ZCWPW2: variants seen among roughly 807,000 people sequenced by gnomAD.
The protein encoded by ZCWPW2 is zinc finger CW-type and PWWP domain containing 2, also known as zinc finger CW-type PWWP domain protein 2.
ZCWPW2 carries 45 observed loss-of-function variants against 46.6 expected under a neutral mutation model. That is an observed-to-expected ratio of 0.96 (90% CI 0.76 to 1.24). The LOEUF (loss-of-function observed/expected upper bound fraction) is 1.24. ZCWPW2 is among the 50% of genes most tolerant of loss of function. The pLI is 0.00. For synonymous variants in ZCWPW2, 152 were observed against 137.1 expected (o/e 1.11, Z -0.76); for missense variants, 429 against 403.9 (o/e 1.06, Z -0.53).
intron 5 of ZCWPW2, among the ~76,000 whole-genome samples, chr3:28,488,878 A>C (rs938529507): frequency 6.6e-6 from 1 of 152,180 alleles, no homozygotes; most frequent in African/African-American, 2.4e-5. Context: ...AGCTTTTAGA[A>C]AGTTGTTAAT....
intron 6 of ZCWPW2, among the ~76,000 whole-genome samples, chr3:28,498,850 C>G (rs1299511978): frequency 6.6e-6 from 1 of 151,904 alleles, no homozygotes; most frequent in Non-Finnish European, 1.5e-5. Context: ...CTCCCTGTGT[C>G]CACGTGTTCA....
intron 1 of ZCWPW2, among the ~76,000 whole-genome samples, chr3:28,371,379 G>A (rs1705329062): frequency 6.6e-6 from 1 of 152,140 alleles, no homozygotes; most frequent in African/African-American, 2.4e-5. Flanking sequence ...ATGGTAAAGG[G>A]GTCAGTGGAT....
intron 4 of ZCWPW2, among the ~76,000 whole-genome samples, chr3:28,442,482 G>A (rs1351846954): frequency 6.6e-6 from 1 of 152,182 alleles, no homozygotes; most frequent in Non-Finnish European, 1.5e-5. Context: ...TCATGGAAGT[G>A]AAAAGCGATC....
At chr3:28,400,403 A>G (rs1363943864) in intron 2 of ZCWPW2, among the ~76,000 whole-genome samples, 1 of 152,234 alleles carries the variant, frequency 6.6e-6, no homozygotes, top group Non-Finnish European at 1.5e-5. Flanking sequence ...CAGCCTTGCT[A>G]GAGACCTAGA....
chr3:28,513,194 A>G (rs1192213683), intron 6 of ZCWPW2, among the ~76,000 whole-genome samples: 4 of 152,270 alleles, frequency 2.6e-5, no homozygotes, highest in Non-Finnish European at 4.4e-5. Flanking sequence ...TTCTTCTCCA[A>G]ATGATCTATA....
intron 4 of ZCWPW2, among the ~76,000 whole-genome samples, chr3:28,443,697 A>G (rs550185238): frequency 3.3e-5 from 5 of 152,262 alleles, no homozygotes; most frequent in East Asian, 3.9e-4. Context: ...TTGGGATCCA[A>G]TGATCCTCAT....
At chr3:28,497,948 T>C (rs1251778108) in intron 6 of ZCWPW2, among the ~76,000 whole-genome samples, 2 of 152,042 alleles carry the variant, frequency 1.3e-5, no homozygotes, top group African/African-American at 4.8e-5. Flanking sequence ...GAGTTCCACT[T>C]GATAAAAAGG....
Position 28,420,291 on chromosome 3 carries a change from C to T in ZCWPW2, c.332+6891C>T, listed in dbSNP as rs1410411979. 2.0e-5 allele frequency among the ~76,000 whole-genome samples: 3 copies of T among 151,886 alleles called. No individual in the cohort carries two copies. The East Asian group carries it at 5.8e-4, about 29-fold the overall frequency. Reference sequence around the variant, plus strand: ...GTGGGCATTTAGTGCTATAAATTTCCCTCTACACACTGCTTTGAATGTGTC... The same window carrying T: ...GTGGGCATTTAGTGCTATAAATTTCTCTCTACACACTGCTTTGAATGTGTC... On this transcript the variant is annotated intron_variant, in intron 3 of 9. Coordinates refer to ENST00000383768, the MANE Select transcript of ZCWPW2 (RefSeq NM_001040432.4).
At chr3:28,496,143 A>G (rs1327522925) in intron 6 of ZCWPW2, among the ~76,000 whole-genome samples, 5 of 152,042 alleles carry the variant, frequency 3.3e-5, no homozygotes, top group Admixed American at 1.3e-4. Flanking sequence ...AACACTTGGT[A>G]ACATTTTCAA....
chr3:28,429,557 A>T (rs1036615030), intron 3 of ZCWPW2, among the ~76,000 whole-genome samples: 2 of 152,226 alleles, frequency 1.3e-5, no homozygotes, highest in Non-Finnish European at 2.9e-5. Context: ...GAAGAAATTC[A>T]AGCCAGCTGC....
intron 3 of ZCWPW2, among the ~76,000 whole-genome samples, chr3:28,430,104 T>C (rs1697189872): frequency 6.6e-6 from 1 of 152,134 alleles, no homozygotes; most frequent in South Asian, 2.1e-4. Flanking sequence ...GAATGGTAGA[T>C]CCACTGACAG....
chr3:28,518,135 CAAAAAA>C (rs35463839), intron 8 of ZCWPW2, among the ~76,000 whole-genome samples: 8 of 76,002 alleles, frequency 1.1e-4, no homozygotes, highest in Non-Finnish European at 1.9e-4. Flanking sequence ...GACTCCGTCT[CAAAAAA>C]AAAAAAAAAA....
chr3:28,459,335 A>T (rs965949077), intron 4 of ZCWPW2, among the ~76,000 whole-genome samples: 1 of 151,920 alleles, frequency 6.6e-6, no homozygotes, highest in Non-Finnish European at 1.5e-5. Context: ...GCGCCACTGC[A>T]CTCCAGCCTG....
chr3:28,376,652 C>T lies in ZCWPW2; in HGVS notation c.-133-13846C>T, dbSNP rs1227093138. Among the ~76,000 whole-genome samples the T allele has an allele frequency of 2.0e-5, 3 of 152,062 alleles. No individual in the cohort carries two copies. The East Asian group carries it at 5.8e-4, about 29-fold the overall frequency. ...ATTGCTTCATCCTCAGATTTCAGTT[C>T]TGGGATATTGCTCATCGTAATCTTG... is the stretch of plus-strand genomic sequence containing the variant. On this transcript the variant is annotated intron_variant, in intron 1 of 9. Transcript: ENST00000383768.
At chr3:28,463,028 C>T (rs1698698940) in intron 4 of ZCWPW2, among the ~76,000 whole-genome samples, 1 of 152,182 alleles carries the variant, frequency 6.6e-6, no homozygotes, top group Admixed American at 6.5e-5. Flanking sequence ...TTTTCTCAGA[C>T]ATAGAGCATT....
chr3:28,365,585 C>G lies in ZCWPW2; in HGVS notation c.-134+16382C>G, dbSNP rs539496966. Among the ~76,000 whole-genome samples the G allele has an allele frequency of 8.5e-5, 12 of 140,998 alleles. 2 individuals carry two copies. The highest frequency in any genetic ancestry group is 3.0e-4 in the African/African-American group (12 of 39,628). The allele number at this position is 140,998 out of a possible 152,430, so 92.5% of individuals were successfully genotyped here. ...TAGTTTGAAGTCAGGTAGCGTGATGCCTCCAGCTTTGTTCTTTTGGCTTAG... is the reference window on the plus strand; with the variant it reads ...TAGTTTGAAGTCAGGTAGCGTGATGGCTCCAGCTTTGTTCTTTTGGCTTAG... On this transcript the variant is annotated intron_variant, in intron 1 of 9. Coordinates refer to ENST00000383768, the MANE Select transcript of ZCWPW2 (RefSeq NM_001040432.4).
At chr3:28,513,730 AT>A (rs200473251) in intron 6 of ZCWPW2, among the ~76,000 whole-genome samples, 4,470 of 150,634 alleles carry the variant, frequency 0.03, 193 homozygotes, top group African/African-American at 0.097. Context: ...CTGGCATTTG[AT>A]TTTTTTTTCT....
At chr3:28,451,486 G>T (rs1191338702) in intron 4 of ZCWPW2, among the ~76,000 whole-genome samples, 1 of 152,164 alleles carries the variant, frequency 6.6e-6, no homozygotes, top group African/African-American at 2.4e-5. Context: ...TACCTACAAT[G>T]AGGAAATTTT....
intron 4 of ZCWPW2, among the ~76,000 whole-genome samples, chr3:28,452,588 C>G (rs1396700967): frequency 1.3e-5 from 2 of 152,174 alleles, no homozygotes; most frequent in African/African-American, 4.8e-5. Context: ...GCCACTGTGC[C>G]TGGCCACCTT....
Sources: gnomAD v4.1 joint callset for allele counts (sites outside exome capture counted in the v4.1 genomes callset) on GRCh38, gnomAD v4.1.1 for gene constraint, MANE v1.5 for transcripts, NCBI Gene and HGNC (gene_info 2026-07-23, HGNC 2026-07-21) for gene names.